ZBBX: variants seen among roughly 807,000 people sequenced by gnomAD.
The protein encoded by ZBBX is zinc finger B-box domain-containing protein 1.
Under a neutral mutation model 108.5 loss-of-function variants are expected in ZBBX, and 101 were observed. That is an observed-to-expected ratio of 0.93 (90% CI 0.79 to 1.10). The LOEUF is 1.10. Among genes scored for constraint, ZBBX ranks in the 50% least tolerant of loss-of-function variants. The pLI is 0.00. For synonymous variants in ZBBX, 356 were observed against 323.4 expected (o/e 1.10, Z -1.08); for missense variants, 1,009 against 941.4 (o/e 1.07, Z -0.94).
At chr3:167,401,655 G>T (rs928578892) in intron 1 of ZBBX, among the ~76,000 whole-genome samples, 2 of 152,126 alleles carry the variant, frequency 1.3e-5, no homozygotes, top group African/African-American at 4.8e-5. Flanking sequence ...ACAACCAGAG[G>T]TCACTCATCA....
chr3:167,306,995 A>G (rs1425289355), intron 16 of ZBBX, among the ~76,000 whole-genome samples: 2 of 152,182 alleles, frequency 1.3e-5, no homozygotes, highest in Non-Finnish European at 2.9e-5. Flanking sequence ...ATTTAGAACT[A>G]GTGGAAACAA....
chr3:167,295,595 G>T, intron 18 of ZBBX, among the ~76,000 whole-genome samples: 1 of 150,894 alleles, frequency 6.6e-6, no homozygotes, highest in Non-Finnish European at 1.5e-5. Flanking sequence ...GTTGATGGAT[G>T]CAGCAAACCA....
chr3:167,307,153 A>C (rs1447061079), intron 16 of ZBBX, among the ~76,000 whole-genome samples: 1 of 151,752 alleles, frequency 6.6e-6, no homozygotes, highest in Non-Finnish European at 1.5e-5. Flanking sequence ...ACCATATATA[A>C]CAAACCCAGA....
the ZBBX span, among the ~76,000 whole-genome samples, chr3:167,201,801 TATACAG>T: frequency 1.3e-5 from 2 of 152,126 alleles, no homozygotes; most frequent in Non-Finnish European, 2.9e-5. Context: ...AATGTGAACG[TATACAG>T]ATACATTGCC....
At chr3:167,197,524 T>C in the ZBBX span, among the ~76,000 whole-genome samples, 1 of 151,898 alleles carries the variant, frequency 6.6e-6, no homozygotes, top group Non-Finnish European at 1.5e-5. Flanking sequence ...GGCAACAGAG[T>C]GAGACTCCTT....
intron 9 of ZBBX, among the ~76,000 whole-genome samples, chr3:167,341,187 T>C (rs1194967431): frequency 6.6e-6 from 1 of 151,908 alleles, no homozygotes; most frequent in Admixed American, 6.6e-5. Context: ...TATGTATTAT[T>C]ATTCCTCCTT....
At chr3:167,208,878 G>C in the ZBBX span, among the ~76,000 whole-genome samples, 6 of 152,116 alleles carry the variant, frequency 3.9e-5, no homozygotes, top group Non-Finnish European at 8.8e-5. Context: ...CCTGATTCCA[G>C]GCCTTGGCTC....
At chr3:167,239,542 T>C (rs1016718677), downstream of ZBBX, among the ~76,000 whole-genome samples, 1 of 152,238 alleles carries the variant, frequency 6.6e-6, no homozygotes, top group African/African-American at 2.4e-5. Flanking sequence ...TTCTCCTCCT[T>C]ATGATTTTCT....
intron 1 of ZBBX, 137 bp downstream of exon 1, chr3:167,380,110 G>C (rs897359107): frequency 1.3e-5 from 2 of 152,394 alleles, no homozygotes; most frequent in South Asian, 2.1e-4. Flanking sequence ...GGTGCCTCCA[G>C]CTCCACCCGA....
the ZBBX span, among the ~76,000 whole-genome samples, chr3:167,231,809 G>C: frequency 6.6e-6 from 1 of 151,758 alleles, no homozygotes. Context: ...CAAGAAATTA[G>C]ATGTTTAACC....
chr3:167,400,454 T>C (rs957486116), intron 1 of ZBBX, among the ~76,000 whole-genome samples: 1 of 152,148 alleles, frequency 6.6e-6, no homozygotes. Context: ...CGCTGATGAC[T>C]GGTGATGATA....
chr3:167,258,204 A>C (rs1723865363), intron 20 of ZBBX, among the ~76,000 whole-genome samples: 1 of 152,132 alleles, frequency 6.6e-6, no homozygotes, highest in African/African-American at 2.4e-5. Flanking sequence ...GTGGGAATGT[A>C]AACTAGTACA....
Position 167,322,130 on chromosome 3 carries a change from T to C in ZBBX, c.970A>G (p.Lys324Glu), listed in dbSNP as rs1736548590. 7.6e-7 allele frequency: 1 copy of C among 1,312,502 alleles called. No homozygotes were observed. The highest frequency in any genetic ancestry group is 2.8e-5 in the East Asian group (1 of 36,356). 81.3% of individuals were successfully genotyped at this position (1,312,502 alleles called of 1,614,324 possible). A position where few individuals can be genotyped will look rare whatever the true frequency, so the allele number is the denominator to read the frequency against. ...ILSYMEKLWL[K>E]KHRRTPQEQL... is the part of the protein sequence containing the mutation. Reference sequence around the variant, plus strand: ...TTCAGAAAATACCTCCTGTGTTTTTTAAGCCATAATTTTTCCATATAGGAT... The same window carrying C: ...TTCAGAAAATACCTCCTGTGTTTTTCAAGCCATAATTTTTCCATATAGGAT... Residue 324 changes from lysine (K) to glutamate (E), a missense_variant, in exon 12 of 22, where the codon AAA becomes GAA. Physicochemically the swap from Lys to Glu is moderately conservative, Grantham distance 56. Transcript: ENST00000675490.
the ZBBX span, among the ~76,000 whole-genome samples, chr3:167,189,107 T>C: frequency 3.9e-5 from 6 of 152,134 alleles, no homozygotes; most frequent in African/African-American, 1.4e-4. Context: ...TTCTCAGAAT[T>C]AAGTTTGGTC....
intron 18 of ZBBX, among the ~76,000 whole-genome samples, chr3:167,297,694 CAAAT>C (rs957478117): frequency 6.6e-6 from 1 of 151,844 alleles, no homozygotes; most frequent in African/African-American, 2.4e-5. Context: ...AATGAAAAAA[CAAAT>C]AACCCAATTA....
At chr3:167,192,989 C>T in the ZBBX span, among the ~76,000 whole-genome samples, 2 of 151,986 alleles carry the variant, frequency 1.3e-5, no homozygotes, top group Non-Finnish European at 2.9e-5. Flanking sequence ...TTGCTCTGAC[C>T]CTTTGAGGAG....
intron 1 of ZBBX, among the ~76,000 whole-genome samples, chr3:167,397,759 C>T (rs1748296245): frequency 1.3e-5 from 2 of 150,848 alleles, no homozygotes; most frequent in Non-Finnish European, 3.0e-5. Flanking sequence ...ATGGCTTTGC[C>T]TTTCAAAAGG....
intron 6 of ZBBX, among the ~76,000 whole-genome samples, chr3:167,365,239 C>T (rs921191986): frequency 1.3e-5 from 2 of 151,540 alleles, no homozygotes; most frequent in Non-Finnish European, 3.0e-5. Context: ...ATGATAGGTA[C>T]GTAAAAAATA....
At chr3:167,307,910 A>G (rs1392874160) in intron 16 of ZBBX, among the ~76,000 whole-genome samples, 1 of 152,202 alleles carries the variant, frequency 6.6e-6, no homozygotes, top group African/African-American at 2.4e-5. Flanking sequence ...ATAGGCAAAG[A>G]TTTCATGACA....
Sources: gnomAD v4.1 joint callset for allele counts (sites outside exome capture counted in the v4.1 genomes callset) on GRCh38, gnomAD v4.1.1 for gene constraint, MANE v1.5 for transcripts, NCBI Gene and HGNC (gene_info 2026-07-23, HGNC 2026-07-21) for gene names.